ACOT11: variants seen among roughly 807,000 people sequenced by gnomAD.
ACOT11 encodes acyl-coenzyme A thioesterase 11.
A neutral mutation model predicts 77.5 loss-of-function variants in ACOT11; 69 were observed. The observed-to-expected ratio is 0.89, with a 90% CI of 0.73 to 1.09. The LOEUF (loss-of-function observed/expected upper bound fraction) is 1.09. Among genes scored for constraint, ACOT11 ranks in the 50% least tolerant of loss-of-function variants. The pLI is 0.00. For synonymous variants in ACOT11, 279 were observed against 313.0 expected, an observed-to-expected ratio of 0.89 and a Z score of 1.15; for missense variants, 766 against 813.7, an observed-to-expected ratio of 0.94 and a Z score of 0.71.
Position 54,584,888 on chromosome 1 carries a change from C to A in ACOT11, c.241+26C>A. The A allele has an allele frequency of 6.3e-7, 1 of 1,593,444 alleles. No individual in the cohort carries two copies. The highest frequency in any genetic ancestry group is 1.1e-5 in the South Asian group (1 of 89,068). ...GTAAGGCTGCGCTCCCCATGGTTCC[C>A]TACCTGCCCCACAGGCCCAGAGCAG... is the stretch of plus-strand genomic sequence containing the variant. On this transcript the variant is annotated intron_variant, in intron 2 of 15. Coordinates refer to ENST00000343744, the MANE Select transcript of ACOT11 (RefSeq NM_147161.4). This position sits in a 1 kb window ranked among gnomAD's most constrained non-coding sequence, Gnocchi z 6.3.
At chr1:54,604,755 A>G (rs114596287) in intron 12 of ACOT11, among the ~76,000 whole-genome samples, 1,670 of 152,238 alleles carry the variant, frequency 0.011, 24 homozygotes, top group African/African-American at 0.038. Flanking sequence ...GCACGCGCTT[A>G]CAGGAGACCT....
Position 54,623,427 on chromosome 1 carries a change from C to T in ACOT11, c.1630-7307C>T, listed in dbSNP as rs762877374. 71 of 1,557,350 alleles carry T rather than the reference C, an allele frequency of 4.6e-5. No homozygotes were observed. In the Admixed American group the frequency reaches 9.1e-4, roughly 20 times the overall value. ...GCTCTCTGGGGAATGCCCCCAACTC[C>T]GTGCGGCCCAGAGTCCCTGAGGCTC... On this transcript the variant is annotated intron_variant, in intron 15 of 16. Coordinates refer to the ACOT11 transcript ENST00000371316.
Position 54,607,388 on chromosome 1 carries a change from G to A in ACOT11, c.1502+123G>A, listed in dbSNP as rs985282895. On this transcript the variant is annotated intron_variant, in intron 14 of 15. Coordinates refer to ENST00000343744, the MANE Select transcript of ACOT11 (RefSeq NM_147161.4). The surrounding 1 kb of genome is among the most constrained non-coding windows in gnomAD (Gnocchi z 4.5). ...AGCTCTGCTTCCCATTGGCTGTGGG[G>A]CCCCAGGCACCACTAGACTTTTCTG... 1 of 1,464,318 alleles carries A rather than the reference G, an allele frequency of 6.8e-7. No homozygotes were observed. Among genetic ancestry groups the A allele is most frequent in the Non-Finnish European group, 9.3e-7 (1 of 1,080,208 alleles). The allele number at this position is 1,464,318 out of a possible 1,614,324, so 90.7% of individuals were successfully genotyped here. A position where few individuals can be genotyped will look rare whatever the true frequency, so the allele number is the denominator to read the frequency against.
At chr1:54,612,097 A>G (rs1223912265), downstream of ACOT11, among the ~76,000 whole-genome samples, 3 of 126,524 alleles carry the variant, frequency 2.4e-5, no homozygotes, top group Non-Finnish European at 4.9e-5. Flanking sequence ...TGGGAGTCCT[A>G]TGGAAGGTAG....
Position 54,602,688 on chromosome 1 carries a change from G to A in ACOT11, c.1049G>A (p.Arg350Gln), listed in dbSNP as rs371396248. 4.5e-6 allele frequency: 7 copies of A among 1,556,288 alleles called. No individual in the cohort carries two copies. The highest frequency in any genetic ancestry group is 2.0e-5 in the Admixed American group (1 of 49,820). The change falls in exon 10 of 16, where the codon CGA becomes CAA. Residue 350 changes from arginine to glutamine, a missense_variant. By Grantham distance (43) the Arg-to-Gln change is conservative. Transcript: ENST00000343744. ...CCCCAGGATGGTGAGCGGCGGTACC[G>A]AGAGGCCAGTGCCAGAAAGAAGATC... Reference protein sequence around the residue: ...PQPGDGERRYREASARKKIRL... With the variant: ...PQPGDGERRYQEASARKKIRL...
At chr1:54,602,851 T>C (rs1643981071) in intron 10 of ACOT11, 127 bp downstream of exon 10, 1 of 1,055,576 alleles carries the variant, frequency 9.5e-7, no homozygotes, top group Admixed American at 3.7e-5. Flanking sequence ...CTTTACATCC[T>C]CTCGTTTTGG....
downstream of ACOT11, chr1:54,614,880 G>A: frequency 1.2e-6 from 2 of 1,610,226 alleles, no homozygotes; most frequent in East Asian, 2.2e-5. Context: ...AGGAACAAGG[G>A]CTTGGGGAAA....
In ACOT11 at chr1:54,607,212, A is replaced by G; in HGVS notation, c.1449A>G (p.Thr483=). 2.5e-6 allele frequency: 4 copies of G among 1,614,198 alleles called. No individual in the cohort carries two copies. Among genetic ancestry groups the G allele is most frequent in the South Asian group, 1.1e-5 (1 of 91,088 alleles). ...HVTSPALGGH[T]KPQDFVILAS... ...CCAGCCCTGCCCTCGGAGGTCACAC[A>G]AAGCCCCAGGACTTCGTGATCCTGG... Residue 483 remains threonine, a synonymous_variant, in exon 14 of 16, where the codon ACA becomes ACG. Coordinates refer to ENST00000343744, the MANE Select transcript of ACOT11 (RefSeq NM_147161.4). This position sits in a 1 kb window ranked among gnomAD's most constrained non-coding sequence, Gnocchi z 4.5.
In ACOT11 at chr1:54,584,285, TAG is replaced by T. The variant is rs146215316; in HGVS notation, c.34-365_34-364del. On this transcript the variant is annotated intron_variant, in intron 1 of 15. Transcript: ENST00000343744. The surrounding 1 kb of genome is among the most constrained non-coding windows in gnomAD (Gnocchi z 6.3). ...ATGGAGCTCTCTAGGCCTCCCTGCA[TAG>T]AGAGGCGACTCTTTCCAGAATGAAC... Among the ~76,000 whole-genome samples the T allele has an allele frequency of 1.8e-5, 1 of 55,734 alleles. No homozygotes were observed. Among genetic ancestry groups the T allele is most frequent in the Admixed American group, 1.7e-4 (1 of 5,830 alleles). The allele number at this position is 55,734 out of a possible 152,430, so 36.6% of individuals were successfully genotyped here. A position where few individuals can be genotyped will look rare whatever the true frequency, so the allele number is the denominator to read the frequency against.
At chr1:54,583,971 A>T (rs1654411461) in intron 1 of ACOT11, among the ~76,000 whole-genome samples, 1 of 152,068 alleles carries the variant, frequency 6.6e-6, no homozygotes, top group South Asian at 2.1e-4. Flanking sequence ...AGAGTAAGAC[A>T]TGCTGGTTCC....
Position 54,608,011 on chromosome 1 carries a change from C to T in ACOT11, c.1572C>T (p.Arg524=), listed in dbSNP as rs1557666439. ...PTHRETPEYR[R]GETLCSGFCL... ...ACCGAGAGACGCCAGAGTACAGACG[C>T]GGAGAGACCCTCTGCTCAGGCTTCT... The change falls in exon 15 of 16, where the codon CGC becomes CGT. Residue 524 remains arginine, a synonymous_variant. Transcript: ENST00000343744. 47 of 1,613,588 alleles carry T rather than the reference C, an allele frequency of 2.9e-5. No individual in the cohort carries two copies. The highest frequency in any genetic ancestry group is 3.6e-5 in the Non-Finnish European group (43 of 1,179,954).
At chr1:54,616,215 A>G in intron 15 of ACOT11, 2 of 1,542,238 alleles carry the variant, frequency 1.3e-6, no homozygotes, top group African/African-American at 1.4e-5. Flanking sequence ...TTTTTTAAAA[A>G]AAGAAAACTT....
chr1:54,605,260 G>A, intron 13 of ACOT11, 51 bp downstream of exon 13: 1 of 1,587,496 alleles, frequency 6.3e-7, no homozygotes, highest in Admixed American at 1.7e-5. Context: ...GGCCTGATGA[G>A]GGAGAGAGTG....
downstream of ACOT11, among the ~76,000 whole-genome samples, chr1:54,613,988 C>T (rs1644144971): frequency 6.6e-6 from 1 of 152,206 alleles, no homozygotes; most frequent in Admixed American, 6.5e-5. Context: ...AGTAATACTA[C>T]CTACCTCATT....
chr1:54,565,636 G>A (rs1410777282), intron 1 of ACOT11, among the ~76,000 whole-genome samples: 2 of 152,108 alleles, frequency 1.3e-5, no homozygotes, highest in Non-Finnish European at 2.9e-5. Context: ...CCCCAAGAAC[G>A]AGACCTGGCA....
At chr1:54,622,884 G>C (rs903614531) in intron 15 of ACOT11, among the ~76,000 whole-genome samples, 1 of 151,950 alleles carries the variant, frequency 6.6e-6, no homozygotes, top group Non-Finnish European at 1.5e-5. Flanking sequence ...GGCTCAAGAA[G>C]AGCTGGTTGG....
At chr1:54,552,113 C>T (rs762500513) in intron 1 of ACOT11, among the ~76,000 whole-genome samples, 11 of 152,084 alleles carry the variant, frequency 7.2e-5, no homozygotes, top group Non-Finnish European at 1.3e-4. Context: ...TCTCTCTAGG[C>T]CTTAGGGTGC....
chr1:54,561,671 A>G (rs1653492475), intron 1 of ACOT11, among the ~76,000 whole-genome samples: 1 of 134,324 alleles, frequency 7.4e-6, no homozygotes, highest in African/African-American at 2.9e-5. Context: ...ACTTCCCAGT[A>G]GGGGCGGCCG....
chr1:54,548,471 C>T (rs570307733), intron 1 of ACOT11, 129 bp downstream of exon 1: 1 of 1,235,298 alleles, frequency 8.1e-7, no homozygotes, highest in Non-Finnish European at 1.1e-6. Flanking sequence ...TTCTAGCTCT[C>T]TTTGGAAGGA....
Sources: gnomAD v4.1 joint callset for allele counts (sites outside exome capture counted in the v4.1 genomes callset) on GRCh38, gnomAD v4.1.1 for gene constraint, Gnocchi (gnomAD v3.1) non-coding constraint, MANE v1.5 for transcripts, NCBI Gene and HGNC (gene_info 2026-07-23, HGNC 2026-07-21) for gene names.